Variants in FAM234A observed in about 807,000 individuals in gnomAD.
FAM234A encodes protein FAM234A.
In FAM234A, 42 loss-of-function variants were observed where a neutral mutation model predicts 49.1. The observed-to-expected ratio is 0.86, with a 90% CI of 0.67 to 1.11. The LOEUF (loss-of-function observed/expected upper bound fraction) is 1.11, where lower values mean the gene tolerates loss of function less well. Ranked by LOEUF, FAM234A falls within the 50% of genes least tolerant of loss-of-function variation. The pLI, the probability that FAM234A is intolerant of heterozygous loss-of-function variation, is 0.00. For missense variants in FAM234A, 815 were observed against 745.2 expected, an observed-to-expected ratio of 1.09 and a Z score of -1.09; for synonymous variants, 369 against 316.2, an observed-to-expected ratio of 1.17 and a Z score of -1.77.
In FAM234A at chr16:265,052, C is replaced by A; in HGVS notation, c.*30C>A. On this transcript the variant is annotated 3_prime_UTR_variant, in exon 13 of 13. Coordinates refer to ENST00000399932, the MANE Select transcript of FAM234A (RefSeq NM_032039.4). ...ACGCCAGCCAGAGCCTGTGGAGAGA[C>A]TCCGCCTGCTGACACTAAACGTCCT... is the stretch of plus-strand genomic sequence containing the variant. 6.4e-7 allele frequency: 1 copy of A among 1,566,508 alleles called. No homozygotes were observed. The highest frequency in any genetic ancestry group is 1.2e-5 in the South Asian group (1 of 85,710).
rs1338093724 is a variant in FAM234A, at chr16:265,935, C to T, written c.*913C>T. ...ACGCCGTGCCACCCGATGCAGGACT[C>T]ACCTCTGTGCCTTGCTGCTCCTGAG... On this transcript the variant is annotated 3_prime_UTR_variant, in exon 13 of 13. Transcript: ENST00000399932. 2.0e-6 allele frequency: 2 copies of T among 986,070 alleles called. No individual in the cohort carries two copies. The highest frequency in any genetic ancestry group is 2.4e-6 in the Non-Finnish European group (2 of 830,126). 61.1% of individuals were successfully genotyped at this position (986,070 alleles called of 1,614,324 possible). A position where few individuals can be genotyped will look rare whatever the true frequency, so the allele number is the denominator to read the frequency against.
chr16:262,239 G>T lies in FAM234A; in HGVS notation c.841+14G>T, dbSNP rs780358325. 42 of 1,613,346 alleles carry T rather than the reference G, an allele frequency of 2.6e-5. No homozygotes were observed. Among genetic ancestry groups the T allele is most frequent in the Non-Finnish European group, 3.4e-5 (40 of 1,179,762 alleles). On this transcript the variant is annotated intron_variant, in intron 7 of 12. Coordinates refer to ENST00000399932, the MANE Select transcript of FAM234A (RefSeq NM_032039.4). The stretch of plus-strand genomic sequence containing the variant: ...TCTTTCCCTGCGGTACGTTGTTTCT[G>T]CCACATCCCTGGCCAGCCTCACTCG...
intron 1 of FAM234A, among the ~76,000 whole-genome samples, chr16:249,154 A>G (rs2050912513): frequency 6.6e-6 from 1 of 151,990 alleles, no homozygotes; most frequent in Non-Finnish European, 1.5e-5. Flanking sequence ...CGGCATCTTC[A>G]GAGGAAGAGG....
chr16:266,549 C>T (rs2051699142), downstream of FAM234A, among the ~76,000 whole-genome samples: 1 of 152,126 alleles, frequency 6.6e-6, no homozygotes, highest in Non-Finnish European at 1.5e-5. Flanking sequence ...GAGGGGCAGG[C>T]AGGTGCTTTA....
chr16:242,192 G>A (rs2050640874), intron 1 of FAM234A, among the ~76,000 whole-genome samples: 1 of 152,166 alleles, frequency 6.6e-6, no homozygotes, highest in African/African-American at 2.4e-5. Flanking sequence ...AGCCTCAGTG[G>A]CCTAGAGTGG....
At position 264,890 on chromosome 16, in the gene FAM234A, C is replaced by T. The variant is rs752794564; in HGVS notation, c.1527C>T (p.Val509=). The T allele has an allele frequency of 1.2e-6, 2 of 1,612,970 alleles. No individual in the cohort carries two copies. Among genetic ancestry groups the T allele is most frequent in the South Asian group, 1.1e-5 (1 of 91,082 alleles). ...CAGACTCAGAGGCACCCGGCCTGGTCTCTGTGATCAAGCACAAGGTGCGGG... is the reference window on the plus strand; with the variant it reads ...CAGACTCAGAGGCACCCGGCCTGGTTTCTGTGATCAAGCACAAGGTGCGGG... The part of the protein sequence containing the change: ...GPADSEAPGL[V]SVIKHKVRDL... Residue 509 remains valine, a synonymous_variant, in exon 13 of 13, where the codon GTC becomes GTT. Coordinates refer to ENST00000399932, the MANE Select transcript of FAM234A (RefSeq NM_032039.4).
chr16:269,175 C>A, downstream of FAM234A: 6 of 1,043,126 alleles, frequency 5.8e-6, no homozygotes, highest in Non-Finnish European at 7.3e-6. Context: ...CTGGGTTCAG[C>A]AGCCCCCAGG....
At chr16:267,519 G>A (rs528900863), downstream of FAM234A, among the ~76,000 whole-genome samples, 54 of 152,056 alleles carry the variant, frequency 3.6e-4, no homozygotes, top group African/African-American at 1.1e-3. Context: ...CATCCTACAC[G>A]ACACGTGCAC....
At chr16:261,948 G>A (rs1269050826) in intron 6 of FAM234A, 145 bp from the exon 7 acceptor site, 5 of 1,127,840 alleles carry the variant, frequency 4.4e-6, no homozygotes, top group Non-Finnish European at 6.3e-6. Flanking sequence ...ATTGTAGAGT[G>A]CCCCGCCCCC....
intron 2 of FAM234A, among the ~76,000 whole-genome samples, chr16:253,221 C>T (rs1165253671): frequency 6.6e-6 from 1 of 152,192 alleles, no homozygotes; most frequent in Non-Finnish European, 1.5e-5. Context: ...CACCCCCGGT[C>T]CGGCCAGCAG....
Position 264,189 on chromosome 16 carries a change from G to T in FAM234A, c.1344+18G>T. The T allele has an allele frequency of 6.3e-7, 1 of 1,583,464 alleles. No individual in the cohort carries two copies. On this transcript the variant is annotated intron_variant, in intron 11 of 12. Transcript: ENST00000399932. ...GCGAGACGGTACGGGAGCCACCCTC[G>T]GAGCAGCCATGCTGGGAGCCGGGGC...
At chr16:268,427 G>A, downstream of FAM234A, 1 of 359,852 alleles carries the variant, frequency 2.8e-6, no homozygotes, top group Non-Finnish European at 5.3e-6. Context: ...GAGAGTTGAA[G>A]CTGCACCCCC....
At chr16:268,938 C>T, downstream of FAM234A, 1 of 1,550,400 alleles carries the variant, frequency 6.4e-7, no homozygotes, top group Non-Finnish European at 8.7e-7. Flanking sequence ...TGGGGATGGG[C>T]ACCCAGTGCT....
chr16:244,170 G>A lies in FAM234A; in HGVS notation c.-139-5379G>A, dbSNP rs184392044. On this transcript the variant is annotated intron_variant, in intron 1 of 12. Transcript: ENST00000399932. ...TCTTTAGTAGAGATGGGGTTTCACCGTGTTAGCTAGGATGGTCTCGATCTC... is the reference window on the plus strand; with the variant it reads ...TCTTTAGTAGAGATGGGGTTTCACCATGTTAGCTAGGATGGTCTCGATCTC... Among the ~76,000 whole-genome samples, 1,093 of 152,092 alleles carry A rather than the reference G, an allele frequency of 7.2e-3. 9 individuals are homozygous for A. The highest frequency in any genetic ancestry group is 0.027 in the Middle Eastern group (8 of 294).
Position 260,024 on chromosome 16 carries a change from G to A in FAM234A, c.441G>A (p.Thr147=), listed in dbSNP as rs759493395. 38 of 1,613,534 alleles carry A rather than the reference G, an allele frequency of 2.4e-5. No individual in the cohort carries two copies. The highest frequency in any genetic ancestry group is 2.7e-5 in the African/African-American group (2 of 74,948). The stretch of plus-strand genomic sequence containing the variant: ...CTGTGTCGGGGGCCAACGGCAGCAC[G>A]CTCTGGGAGAGACCTGTGGCCCAAG... The part of the protein sequence containing the change: ...AAAVSGANGS[T]LWERPVAQDV... Residue 147 remains threonine (T), a synonymous_variant, in exon 5 of 13, where the codon ACG becomes ACA. Coordinates refer to ENST00000399932, the MANE Select transcript of FAM234A (RefSeq NM_032039.4).
Position 264,154 on chromosome 16 carries a change from G to T in FAM234A, c.1327G>T (p.Gly443Trp). The T allele has an allele frequency of 6.2e-7, 1 of 1,604,334 alleles. No homozygotes were observed. ...AFFFWGLHEL[G>W]STSETETGEA... ...CTTCTTCTGGGGCCTCCACGAGCTG[G>T]GGAGCACCAGCGAGACGGTACGGGA... The change falls in exon 11 of 13, where the codon GGG (glycine) becomes TGG (tryptophan). Residue 443 changes from glycine to tryptophan, a missense_variant. Transcript: ENST00000399932.
downstream of FAM234A, among the ~76,000 whole-genome samples, chr16:267,457 CAT>C (rs1245262849): frequency 6.6e-6 from 1 of 152,018 alleles, no homozygotes; most frequent in Non-Finnish European, 1.5e-5. Flanking sequence ...TACATTCACA[CAT>C]ATGTACTATA....
At chr16:266,981 G>A (rs2051710755), downstream of FAM234A, among the ~76,000 whole-genome samples, 1 of 152,098 alleles carries the variant, frequency 6.6e-6, no homozygotes, top group South Asian at 2.1e-4. Context: ...GGTGGGCAGG[G>A]CCATGAGCCC....
intron 1 of FAM234A, among the ~76,000 whole-genome samples, chr16:244,179 A>T (rs977834154): frequency 1.3e-5 from 2 of 152,114 alleles, no homozygotes; most frequent in Non-Finnish European, 2.9e-5. Context: ...CGTGTTAGCT[A>T]GGATGGTCTC....
Sources: allele counts gnomAD v4.1 joint callset (sites outside exome capture counted in the v4.1 genomes callset), GRCh38; gene constraint gnomAD v4.1.1; transcripts MANE v1.5; gene names NCBI Gene and HGNC (gene_info 2026-07-23, HGNC 2026-07-21).